Variants in LYPLA1 observed in about 807,000 individuals in gnomAD.
The protein encoded by LYPLA1 is lysophospholipase 1.
Under a neutral mutation model 34.0 loss-of-function variants are expected in LYPLA1, and 17 were observed. The ratio of observed to expected loss-of-function variants is 0.50; its 90% CI spans 0.34 to 0.75. The LOEUF (loss-of-function observed/expected upper bound fraction) is 0.75. Ranked by LOEUF, LYPLA1 falls within the 30% of genes least tolerant of loss-of-function variation. The pLI, the probability that LYPLA1 is intolerant of heterozygous loss-of-function variation, is 0.01. For synonymous variants in LYPLA1, 98 were observed against 100.8 expected, an observed-to-expected ratio of 0.97 and a Z score of 0.17; for missense variants, 203 against 288.8, an observed-to-expected ratio of 0.70 and a Z score of 2.15.
chr8:54,066,872 T>C (rs1427288415), intron 2 of LYPLA1, among the ~76,000 whole-genome samples: 1 of 152,108 alleles, frequency 6.6e-6, no homozygotes, highest in Non-Finnish European at 1.5e-5. Flanking sequence ...CTTACTACAC[T>C]ATTTAAAAAC....
At chr8:54,085,809 G>A (rs1035073737) in intron 2 of LYPLA1, among the ~76,000 whole-genome samples, 2 of 63,252 alleles carry the variant, frequency 3.2e-5, no homozygotes, top group Non-Finnish European at 4.5e-5. Flanking sequence ...CCGCGAGGTG[G>A]GGGGGGGGCA....
At chr8:54,055,313 GAAC>G (rs1315182863) in intron 5 of LYPLA1, among the ~76,000 whole-genome samples, 180 bp from the exon 6 acceptor site, 3 of 151,978 alleles carry the variant, frequency 2.0e-5, no homozygotes, top group Admixed American at 6.6e-5. Context: ...TGCCAACGGA[GAAC>G]AACGTGAAAA....
chr8:54,083,589 T>C (rs949317786), intron 2 of LYPLA1, among the ~76,000 whole-genome samples: 4 of 152,210 alleles, frequency 2.6e-5, no homozygotes, highest in African/African-American at 9.7e-5. Context: ...CTGTTGCAAC[T>C]ACTCAACTCA....
intron 6 of LYPLA1, chr8:54,053,753 C>T: frequency 2.2e-6 from 1 of 456,182 alleles, no homozygotes; most frequent in Admixed American, 2.3e-5. Flanking sequence ...GTAAATGAAA[C>T]AGACAAGCAA....
At chr8:54,060,367 C>T (rs1295150156) in intron 5 of LYPLA1, among the ~76,000 whole-genome samples, 12 of 152,052 alleles carry the variant, frequency 7.9e-5, no homozygotes, top group African/African-American at 2.4e-4. Flanking sequence ...TCAGGCGATC[C>T]GCCTGCCTCA....
chr8:54,054,164 G>T (rs939851481), intron 6 of LYPLA1, among the ~76,000 whole-genome samples: 3 of 152,028 alleles, frequency 2.0e-5, no homozygotes, highest in African/African-American at 7.2e-5. Context: ...TGTATTTTTA[G>T]TAGAGACAGG....
intron 2 of LYPLA1, among the ~76,000 whole-genome samples, chr8:54,076,760 C>A (rs1385321746): frequency 1.3e-5 from 2 of 152,186 alleles, no homozygotes; most frequent in Non-Finnish European, 2.9e-5. Context: ...CTAGCCCAAC[C>A]AATTCCTTTA....
intron 2 of LYPLA1, among the ~76,000 whole-genome samples, chr8:54,098,586 C>T (rs934696619): frequency 3.3e-5 from 5 of 152,092 alleles, no homozygotes; most frequent in Non-Finnish European, 5.9e-5. Flanking sequence ...GAGGCCGAGG[C>T]ACAAGAATCA....
At chr8:54,043,749 C>T (rs1046677159), downstream of LYPLA1, among the ~76,000 whole-genome samples, 9 of 151,908 alleles carry the variant, frequency 5.9e-5, no homozygotes, top group South Asian at 4.2e-4. Flanking sequence ...TTGGTAGAGA[C>T]GGGGTTTCAC....
chr8:54,101,006 G>C, intron 1 of LYPLA1, 67 bp from the exon 2 acceptor site: 3 of 1,319,072 alleles, frequency 2.3e-6, no homozygotes, highest in Non-Finnish European at 3.3e-6. Flanking sequence ...TTACACACTA[G>C]CTTTGCTTAA....
At chr8:54,069,713 T>C (rs1563605121) in intron 2 of LYPLA1, among the ~76,000 whole-genome samples, 3 of 140,316 alleles carry the variant, frequency 2.1e-5, no homozygotes, top group African/African-American at 7.9e-5. Context: ...CTGTCTCGTT[T>C]AAAAAAAAAA....
At chr8:54,067,204 C>T (rs1807127879) in intron 2 of LYPLA1, among the ~76,000 whole-genome samples, 1 of 152,038 alleles carries the variant, frequency 6.6e-6, no homozygotes, top group Non-Finnish European at 1.5e-5. Context: ...AAAATAAAAA[C>T]AGCAACTTTC....
intron 2 of LYPLA1, among the ~76,000 whole-genome samples, chr8:54,082,433 A>G (rs1808390588): frequency 6.6e-6 from 1 of 151,758 alleles, no homozygotes; most frequent in Non-Finnish European, 1.5e-5. Flanking sequence ...ACAATCATTA[A>G]CAGCTTAGCT....
intron 2 of LYPLA1, among the ~76,000 whole-genome samples, chr8:54,074,588 T>C (rs953881191): frequency 6.6e-6 from 1 of 152,230 alleles, no homozygotes; most frequent in African/African-American, 2.4e-5. Flanking sequence ...ATGCAATTAT[T>C]TAATGCTAGA....
At chr8:54,078,487 A>G (rs1225728896) in intron 2 of LYPLA1, among the ~76,000 whole-genome samples, 1 of 152,164 alleles carries the variant, frequency 6.6e-6, no homozygotes, top group East Asian at 1.9e-4. Flanking sequence ...AGATTTTCCA[A>G]CTTTACAATG....
intron 2 of LYPLA1, among the ~76,000 whole-genome samples, chr8:54,074,786 A>G (rs1208359256): frequency 1.3e-5 from 2 of 152,210 alleles, no homozygotes; most frequent in Non-Finnish European, 2.9e-5. Flanking sequence ...GATGTCACAC[A>G]TATTCCCTCA....
intron 2 of LYPLA1, 25 bp downstream of exon 2, chr8:54,100,883 T>C (rs1341595801): frequency 1.3e-6 from 2 of 1,591,268 alleles, no homozygotes; most frequent in Non-Finnish European, 1.7e-6. Context: ...TCATTACTGT[T>C]ACTATTAATA....
chr8:54,090,579 C>T (rs945615529), intron 2 of LYPLA1, among the ~76,000 whole-genome samples: 1 of 152,150 alleles, frequency 6.6e-6, no homozygotes, highest in Non-Finnish European at 1.5e-5. Flanking sequence ...TAACCTACCC[C>T]CGCCCTCACT....
At chr8:54,094,538 C>G (rs1809535007) in intron 2 of LYPLA1, among the ~76,000 whole-genome samples, 1 of 152,120 alleles carries the variant, frequency 6.6e-6, no homozygotes, top group Admixed American at 6.5e-5. Context: ...ATTATAAACT[C>G]AAGATTTTGA....
Sources: allele counts gnomAD v4.1 joint callset (sites outside exome capture counted in the v4.1 genomes callset), GRCh38; gene constraint gnomAD v4.1.1; transcripts MANE v1.5; gene names NCBI Gene and HGNC (gene_info 2026-07-23, HGNC 2026-07-21).